Variants in FBXO31 observed in about 807,000 individuals in gnomAD.
FBXO31 encodes F-box only protein 31.
Under a neutral mutation model 54.4 loss-of-function variants are expected in FBXO31, and 24 were observed. That is an observed-to-expected ratio of 0.44 (90% confidence interval 0.32 to 0.62). The LOEUF is 0.62. FBXO31 is among the 20% of genes least tolerant of loss of function. The pLI is 0.05. For missense variants in FBXO31, 665 were observed against 787.1 expected, an observed-to-expected ratio of 0.84 and a Z score of 1.86; for synonymous variants, 388 against 335.6, an observed-to-expected ratio of 1.16 and a Z score of -1.71.
chr16:87,376,992 G>A (rs1194392811), intron 1 of FBXO31, among the ~76,000 whole-genome samples: 2 of 152,226 alleles, frequency 1.3e-5, no homozygotes, highest in Admixed American at 1.3e-4. Context: ...TACCACACAG[G>A]CTTGCCCACG....
intron 2 of FBXO31, among the ~76,000 whole-genome samples, chr16:87,350,365 A>G (rs1231799850): frequency 1.3e-5 from 2 of 152,208 alleles, no homozygotes; most frequent in Admixed American, 6.5e-5. Context: ...TTCCTAAATG[A>G]GCCCCGGCTG....
rs1341516417 is a variant in FBXO31 at position 87,335,253 on chromosome 16, C to G, written c.996+51G>C. ...CCAAGTTCCCTGACTCCACAGCCCA[C>G]TTGGGCCAGGTGCCCCCAGAGCCCC... On this transcript the variant is annotated intron_variant, in intron 7 of 8. Coordinates refer to ENST00000311635, the MANE Select transcript of FBXO31 (RefSeq NM_024735.5). This position sits in a 1 kb window ranked among gnomAD's most constrained non-coding sequence, Gnocchi z 5.7. 2 of 1,607,132 alleles carry G rather than the reference C, an allele frequency of 1.2e-6. No homozygotes were observed. Among genetic ancestry groups the G allele is most frequent in the South Asian group, 2.2e-5 (2 of 90,946 alleles).
At chr16:87,387,372 T>C (rs1328027273), upstream of FBXO31, among the ~76,000 whole-genome samples, 1 of 152,226 alleles carries the variant, frequency 6.6e-6, no homozygotes, top group Non-Finnish European at 1.5e-5. Context: ...TCATTTGTTT[T>C]AACACTATGA....
At chr16:87,378,394 G>A (rs1000447740) in intron 1 of FBXO31, among the ~76,000 whole-genome samples, 2 of 152,288 alleles carry the variant, frequency 1.3e-5, no homozygotes, top group East Asian at 1.9e-4. Flanking sequence ...AATTGGCATC[G>A]ATTTTTAAAG....
intron 7 of FBXO31, among the ~76,000 whole-genome samples, chr16:87,334,623 C>T (rs1055603115): frequency 3.9e-5 from 6 of 152,266 alleles, no homozygotes; most frequent in Non-Finnish European, 5.9e-5. Context: ...TGGGAAGATG[C>T]GTCAGCCCCA....
intron 1 of FBXO31, among the ~76,000 whole-genome samples, chr16:87,375,751 T>C (rs138504890): frequency 2.0e-4 from 30 of 151,914 alleles, no homozygotes; most frequent in African/African-American, 5.3e-4. Flanking sequence ...CTGGAGTGAG[T>C]TTGGTTTTGT....
intron 1 of FBXO31, among the ~76,000 whole-genome samples, chr16:87,378,480 G>A (rs552209692): frequency 2.5e-4 from 38 of 152,294 alleles, no homozygotes; most frequent in Non-Finnish European, 4.6e-4. Flanking sequence ...TAAAGTGCTG[G>A]CAGCTACTGT....
intron 1 of FBXO31, among the ~76,000 whole-genome samples, chr16:87,374,729 G>C (rs912949646): frequency 6.6e-6 from 1 of 152,226 alleles, no homozygotes; most frequent in South Asian, 2.1e-4. Flanking sequence ...ATGCTGGCTA[G>C]TGTGCCTCAC....
rs1443140773 is a variant in FBXO31 at position 87,346,840 on chromosome 16, C to T, written c.489+334G>A. Among the ~76,000 whole-genome samples the T allele has an allele frequency of 1.3e-5, 2 of 152,152 alleles. No homozygotes were observed. The highest frequency in any genetic ancestry group is 1.9e-4 in the East Asian group (1 of 5,172). ...GAACATGGGGGGCAAAGACCAGGAA[C>T]GGAAGGACCTGGCTGAGGGCGGGCT... On this transcript the variant is annotated intron_variant, in intron 3 of 8. Coordinates refer to ENST00000311635, the MANE Select transcript of FBXO31 (RefSeq NM_024735.5). This position sits in a 1 kb window ranked among gnomAD's most constrained non-coding sequence, Gnocchi z 4.2.
At chr16:87,371,358 T>C (rs1353958144) in intron 1 of FBXO31, among the ~76,000 whole-genome samples, 3 of 152,144 alleles carry the variant, frequency 2.0e-5, no homozygotes, top group African/African-American at 7.2e-5. Context: ...GAGTCCCCTC[T>C]CGCTAAGATG....
In FBXO31 at chr16:87,339,608, C is replaced by T. The variant is rs532483292; in HGVS notation, c.732+3269G>A. On this transcript the variant is annotated intron_variant, in intron 5 of 8. Transcript: ENST00000311635. Reference sequence around the variant, plus strand: ...CAGTGGCACCCTCACCCTGTCAACTCCCGGAGGGGGAGCTCAGAAGCGGGA... The same window carrying T: ...CAGTGGCACCCTCACCCTGTCAACTTCCGGAGGGGGAGCTCAGAAGCGGGA... Among the ~76,000 whole-genome samples, 34 of 152,330 alleles carry T rather than the reference C, an allele frequency of 2.2e-4. No individual in the cohort carries two copies. The South Asian group carries it at 5.4e-3, about 24-fold the overall frequency.
At chr16:87,352,476 G>C (rs1905706479) in intron 2 of FBXO31, among the ~76,000 whole-genome samples, 1 of 152,038 alleles carries the variant, frequency 6.6e-6, no homozygotes. Flanking sequence ...GTTAATATCT[G>C]GGTAAAGGCT....
Position 87,334,080 on chromosome 16 carries a change from C to G in FBXO31, c.1203G>C (p.Gln401His), listed in dbSNP as rs1318592442. 6.2e-7 allele frequency: 1 copy of G among 1,610,554 alleles called. No individual in the cohort carries two copies. The highest frequency in any genetic ancestry group is 8.5e-7 in the Non-Finnish European group (1 of 1,178,552). ...GRGRQGPRES[Q>H]PSPAQPRAEA... ...CTGCCCTGGGCTGGGCAGGGCTTGG[C>G]TGGGACTCCCGGGGGCCCTGCCGGC... Residue 401 changes from glutamine (Q) to histidine (H), a missense_variant, in exon 8 of 9, where the codon CAG (glutamine) becomes CAC (histidine). Gln to His is a conservative substitution (Grantham distance 24). Around this residue, in one of 4 missense-constraint regions of FBXO31, gnomAD observed 165 missense variants for 159.7 expected, o/e 1.03. Coordinates refer to ENST00000311635, the MANE Select transcript of FBXO31 (RefSeq NM_024735.5).
Position 87,329,118 on chromosome 16 carries a change from A to G in FBXO31, c.*2170T>C, listed in dbSNP as rs912166179. 3.3e-5 allele frequency: 5 copies of G among 152,356 alleles called. No individual in the cohort carries two copies. Among genetic ancestry groups the G allele is most frequent in the African/African-American group, 1.2e-4 (5 of 41,476 alleles). 9.4% of individuals were successfully genotyped at this position (152,356 alleles called of 1,614,324 possible). Reference sequence around the variant, plus strand: ...TCGGAGCGGAAAAAACAAGACCTGTAGTCACGACTGAAGGGACTGGCTGTG... The same window carrying G: ...TCGGAGCGGAAAAAACAAGACCTGTGGTCACGACTGAAGGGACTGGCTGTG... On this transcript the variant is annotated 3_prime_UTR_variant, in exon 9 of 9. Coordinates refer to ENST00000311635, the MANE Select transcript of FBXO31 (RefSeq NM_024735.5).
chr16:87,383,961 G>T (rs886247055), upstream of FBXO31: 9 of 257,566 alleles, frequency 3.5e-5, no homozygotes, highest in African/African-American at 2.0e-4. This position sits in a 1 kb window ranked among gnomAD's most constrained non-coding sequence, Gnocchi z 4.9. Flanking sequence ...CCAGCGTGAG[G>T]GCGCCGCCCG....
chr16:87,339,419 G>C (rs1597360213), intron 5 of FBXO31, among the ~76,000 whole-genome samples: 1 of 152,242 alleles, frequency 6.6e-6, no homozygotes, highest in African/African-American at 2.4e-5. Flanking sequence ...AAAGCAGCGA[G>C]GACACTGCAG....
At chr16:87,334,383 T>A (rs1904976345) in intron 7 of FBXO31, 97 bp from the exon 8 acceptor site, 2 of 1,164,876 alleles carry the variant, frequency 1.7e-6, no homozygotes, top group African/African-American at 3.1e-5. Context: ...CTGAGCGAGC[T>A]GGCACCAGCC....
intron 1 of FBXO31, among the ~76,000 whole-genome samples, chr16:87,381,463 C>G (rs536673677): frequency 1.3e-5 from 2 of 152,220 alleles, no homozygotes; most frequent in African/African-American, 2.4e-5. Flanking sequence ...ATGCTCCCAA[C>G]AGGACTTGGG....
intron 8 of FBXO31, among the ~76,000 whole-genome samples, chr16:87,332,082 A>G (rs751405): frequency 0.034 from 5,235 of 152,334 alleles, 194 homozygotes; most frequent in African/African-American, 0.094. Flanking sequence ...TTCTTCCAAC[A>G]GATGACGAGA....
Sources: allele counts gnomAD v4.1 joint callset (sites outside exome capture counted in the v4.1 genomes callset), GRCh38; gene constraint gnomAD v4.1.1; regional missense constraint gnomAD v4.1.1; non-coding constraint Gnocchi (gnomAD v3.1); transcripts MANE v1.5; gene names NCBI Gene and HGNC (gene_info 2026-07-23, HGNC 2026-07-21).